ARHGEF7: variants seen among roughly 807,000 people sequenced by gnomAD.
The protein encoded by ARHGEF7 is Rho guanine nucleotide exchange factor 7, also known as PAK-interacting exchange factor beta.
A neutral mutation model predicts 109.8 loss-of-function variants in ARHGEF7; 33 were observed. The ratio of observed to expected loss-of-function variants is 0.30; its 90% CI spans 0.23 to 0.40. The LOEUF (loss-of-function observed/expected upper bound fraction) is 0.40. Among genes scored for constraint, ARHGEF7 ranks in the 10% least tolerant of loss-of-function variants. ARHGEF7 has a pLI of 1.00. For missense variants in ARHGEF7, 938 were observed against 1,098.5 expected (o/e 0.85, Z 2.07); for synonymous variants, 458 against 424.6 (o/e 1.08, Z -0.97).
intron 2 of ARHGEF7, among the ~76,000 whole-genome samples, 165 bp downstream of exon 2, chr13:111,154,156 G>C (rs1023537376): frequency 3.3e-5 from 5 of 152,046 alleles, no homozygotes; most frequent in African/African-American, 1.2e-4. Context: ...TTGCGGGTTT[G>C]GGTAATGGCC....
In ARHGEF7 at chr13:111,131,331, AGATGG is replaced by A. The variant is rs1398634034; in HGVS notation, c.165+15642_165+15646del. Among the ~76,000 whole-genome samples, 1 of 152,022 alleles carries A rather than the reference AGATGG, an allele frequency of 6.6e-6. No individual in the cohort carries two copies. Among genetic ancestry groups the A allele is most frequent in the Non-Finnish European group, 1.5e-5 (1 of 67,992 alleles). On this transcript the variant is annotated intron_variant, in intron 1 of 21. Coordinates refer to ENST00000646102, the MANE Select transcript of ARHGEF7 (RefSeq NM_001354046.2). The surrounding 1 kb of genome is among the most constrained non-coding windows in gnomAD (Gnocchi z 4.4). ...TGGGTTTCTGGTTGCACAACAGGAT[AGATGG>A]GGCGGTCGCCTGTGCTGGAGCCCTG...
chr13:111,244,804 T>G (rs1167769248), intron 8 of ARHGEF7, among the ~76,000 whole-genome samples: 3 of 152,246 alleles, frequency 2.0e-5, no homozygotes, highest in African/African-American at 7.2e-5. Flanking sequence ...CAGACACATC[T>G]TTATTAATCA....
rs182814571 is a variant in ARHGEF7, at chr13:111,156,401, T to C, written c.252+2410T>C. 3.6e-3 allele frequency among the ~76,000 whole-genome samples: 544 copies of C among 152,362 alleles called. 2 individuals are homozygous for C. Among genetic ancestry groups the C allele is most frequent in the African/African-American group, 0.011 (441 of 41,588 alleles). On this transcript the variant is annotated intron_variant, in intron 2 of 21. Coordinates refer to ENST00000646102, the MANE Select transcript of ARHGEF7 (RefSeq NM_001354046.2). ...TTTAAAGAGTAAATATCTCTTCCAG[T>C]AAATTTAAGCAAGAGGCAAATGTTA... is the stretch of plus-strand genomic sequence containing the variant.
chr13:111,269,409 C>A (rs367782639), intron 9 of ARHGEF7, among the ~76,000 whole-genome samples: 3 of 152,178 alleles, frequency 2.0e-5, no homozygotes, highest in Admixed American at 2.0e-4. Context: ...TCCTAAAATG[C>A]GAAGCCATTC....
At chr13:111,221,514 G>GACAT (rs2084265932) in intron 5 of ARHGEF7, among the ~76,000 whole-genome samples, 2 of 48,392 alleles carry the variant, frequency 4.1e-5, no homozygotes, top group African/African-American at 1.6e-4. Context: ...TATATATATA[G>GACAT]ATATATATCT....
At chr13:111,210,997 T>G (rs1296053187) in intron 4 of ARHGEF7, among the ~76,000 whole-genome samples, 1 of 152,092 alleles carries the variant, frequency 6.6e-6, no homozygotes, top group Non-Finnish European at 1.5e-5. Flanking sequence ...GTGTGAAAAA[T>G]GGAAAGATAT....
chr13:111,284,877 C>T (rs569169916), intron 16 of ARHGEF7, among the ~76,000 whole-genome samples: 7 of 152,304 alleles, frequency 4.6e-5, no homozygotes, highest in East Asian at 1.9e-4. Context: ...CCTCGGAGCA[C>T]GTGAGGGGCG....
chr13:111,174,888 G>A (rs2077978595), intron 2 of ARHGEF7, among the ~76,000 whole-genome samples: 1 of 152,204 alleles, frequency 6.6e-6, no homozygotes, highest in African/African-American at 2.4e-5. Context: ...TCCTCGGGTT[G>A]GTTTTGTGCA....
At chr13:111,221,605 A>G (rs1716366003) in intron 5 of ARHGEF7, among the ~76,000 whole-genome samples, 1 of 113,612 alleles carries the variant, frequency 8.8e-6, no homozygotes, top group South Asian at 2.8e-4. Flanking sequence ...ATAGATATAT[A>G]TCTCCCCTTT....
intron 2 of ARHGEF7, among the ~76,000 whole-genome samples, chr13:111,175,656 G>A (rs905709008): frequency 2.6e-5 from 4 of 152,218 alleles, no homozygotes; most frequent in African/African-American, 9.6e-5. Context: ...GAAAGGTATT[G>A]CCTTGGACGT....
chr13:111,180,773 C>A (rs985451304), intron 2 of ARHGEF7, among the ~76,000 whole-genome samples: 2 of 152,210 alleles, frequency 1.3e-5, no homozygotes, highest in African/African-American at 4.8e-5. Context: ...AGATTATAGA[C>A]ACCTGGAAAT....
At chr13:111,220,228 C>T (rs536058170) in intron 5 of ARHGEF7, among the ~76,000 whole-genome samples, 1 of 152,212 alleles carries the variant, frequency 6.6e-6, no homozygotes, top group Non-Finnish European at 1.5e-5. Context: ...TGAGCCAGGG[C>T]AGAGGAAGGA....
chr13:111,175,544 G>A (rs2078062121), intron 2 of ARHGEF7, among the ~76,000 whole-genome samples: 1 of 152,212 alleles, frequency 6.6e-6, no homozygotes, highest in African/African-American at 2.4e-5. Flanking sequence ...GCTGGAGCCT[G>A]CAGTGGGGTG....
intron 5 of ARHGEF7, among the ~76,000 whole-genome samples, chr13:111,230,561 A>T (rs563742176): frequency 1.8e-4 from 27 of 152,292 alleles, no homozygotes; most frequent in African/African-American, 6.3e-4. Context: ...GCAAGCAAGG[A>T]GCTTTGCATC....
chr13:111,170,080 C>T (rs955653135), intron 2 of ARHGEF7, among the ~76,000 whole-genome samples: 20 of 152,146 alleles, frequency 1.3e-4, no homozygotes, highest in African/African-American at 4.8e-4. Context: ...GCTCTCACAG[C>T]CAACGTGATA....
In ARHGEF7 at chr13:111,239,443, G is replaced by C. The variant is rs2087385639; in HGVS notation, c.760-4429G>C. 6.6e-6 allele frequency among the ~76,000 whole-genome samples: 1 copy of C among 152,132 alleles called. No homozygotes were observed. The highest frequency in any genetic ancestry group is 2.4e-5 in the African/African-American group (1 of 41,422). ...CTCCTTTAGTTTGCGATGGCCTTCA[G>C]ATGCCAGGCCAAGGAGGAAAACCTG... is the stretch of plus-strand genomic sequence containing the variant. On this transcript the variant is annotated intron_variant, in intron 6 of 21. Transcript: ENST00000646102. The surrounding 1 kb of genome is among the most constrained non-coding windows in gnomAD (Gnocchi z 4.3).
intron 16 of ARHGEF7, 132 bp downstream of exon 16, chr13:111,283,495 C>A: frequency 7.1e-7 from 1 of 1,401,338 alleles, no homozygotes. Context: ...AAGGGGGGGT[C>A]TGCCTTGGTT....
intron 2 of ARHGEF7, among the ~76,000 whole-genome samples, chr13:111,180,573 C>T (rs929039079): frequency 3.3e-5 from 5 of 152,166 alleles, no homozygotes; most frequent in African/African-American, 1.2e-4. Context: ...TGTTGTAAGG[C>T]AGAGATAGTG....
Position 111,243,857 on chromosome 13 carries a change from C to A in ARHGEF7, c.760-15C>A. On this transcript the variant is annotated splice_polypyrimidine_tract_variant and intron_variant, in intron 6 of 21. Coordinates refer to ENST00000646102, the MANE Select transcript of ARHGEF7 (RefSeq NM_001354046.2). ...ATTGAAATGTCAAATAACACTTATTCATCATTTATTATAGGTGCTACAGAA... is the reference window on the plus strand; with the variant it reads ...ATTGAAATGTCAAATAACACTTATTAATCATTTATTATAGGTGCTACAGAA... The A allele has an allele frequency of 6.7e-7, 1 of 1,497,594 alleles. No homozygotes were observed. Among genetic ancestry groups the A allele is most frequent in the Non-Finnish European group, 9.2e-7 (1 of 1,081,218 alleles). 92.8% of individuals were successfully genotyped at this position (1,497,594 alleles called of 1,614,324 possible).
Sources: gnomAD v4.1 joint callset for allele counts (sites outside exome capture counted in the v4.1 genomes callset) on GRCh38, gnomAD v4.1.1 for gene constraint, Gnocchi (gnomAD v3.1) non-coding constraint, MANE v1.5 for transcripts, NCBI Gene and HGNC (gene_info 2026-07-23, HGNC 2026-07-21) for gene names.